The following BCL9L variants were observed in gnomAD, a reference collection of about 807,000 sequenced individuals.
BCL9L encodes the protein B-cell CLL/lymphoma 9-like protein.
BCL9L carries 19 observed loss-of-function variants against 99.4 expected under a neutral mutation model. The observed-to-expected ratio is 0.19, with a 90% CI of 0.13 to 0.28. The LOEUF is 0.28. BCL9L is among the 10% of genes least tolerant of loss of function. BCL9L has a pLI of 1.00. For synonymous variants in BCL9L, 900 were observed against 854.8 expected (o/e 1.05, Z -0.92); for missense variants, 2,023 against 2,101.6 (o/e 0.96, Z 0.73).
In BCL9L at chr11:118,898,427, G is replaced by T; in HGVS notation, c.4488C>A (p.Asn1496Lys). The T allele has an allele frequency of 1.2e-6, 2 of 1,604,072 alleles. No homozygotes were observed. The highest frequency in any genetic ancestry group is 1.7e-6 in the Non-Finnish European group (2 of 1,173,208). ...GYLPAPGGMA[N>K]LPF ...CTGGCAGCGACTTCTAGAAGGGCAG[G>T]TTGGCCATGCCGCCTGGTGCCGGGA... Residue 1496 changes from asparagine (N) to lysine (K), a missense_variant, in exon 10 of 10, where the codon AAC (asparagine) becomes AAA (lysine). Coordinates refer to ENST00000683865, the MANE Select transcript of BCL9L (RefSeq NM_001378213.1).
At chr11:118,911,162 G>GC (rs1940779976) in intron 2 of BCL9L, 1 of 449,200 alleles carries the variant, frequency 2.2e-6, no homozygotes, top group Non-Finnish European at 4.5e-6. Flanking sequence ...TCACCCAACC[G>GC]CCCCCAGCCC....
In BCL9L at chr11:118,901,999, C is replaced by G. The variant is rs775511374; in HGVS notation, c.1744G>C (p.Gly582Arg). ...WPPGMGAQLR[G>R]PMDVQDPMQL... Reference sequence around the variant, plus strand: ...ATGGGATCTTGAACATCCATGGGCCCCCGCAGCTGCGCACCCATTCCAGGT... The same window carrying G: ...ATGGGATCTTGAACATCCATGGGCCGCCGCAGCTGCGCACCCATTCCAGGT... The change falls in exon 8 of 10, where the codon GGG (glycine) becomes CGG (arginine). Residue 582 changes from glycine (G) to arginine (R), a missense_variant. Around this residue, in one of 3 missense-constraint regions of BCL9L, gnomAD observed 1,116 missense variants for 1,194.6 expected, o/e 0.93. Coordinates refer to ENST00000683865, the MANE Select transcript of BCL9L (RefSeq NM_001378213.1). This position sits in a 1 kb window ranked among gnomAD's most constrained non-coding sequence, Gnocchi z 6.6. 5 of 1,613,298 alleles carry G rather than the reference C, an allele frequency of 3.1e-6. No individual in the cohort carries two copies. The highest frequency in any genetic ancestry group is 1.7e-5 in the Admixed American group (1 of 60,018).
chr11:118,898,294 G>GCCCCCCGCCCCCCC lies in BCL9L; in HGVS notation c.*120_*121insGGGGGGGCGGGGGG. On this transcript the variant is annotated 3_prime_UTR_variant, in exon 10 of 10. Coordinates refer to ENST00000683865, the MANE Select transcript of BCL9L (RefSeq NM_001378213.1). ...TCCACAAATGCCACTCCCTACACAA[G>GCCCCCCGCCCCCCC]CCCCCTCCCACCCCCTCCACCCCAC... 2.2e-6 allele frequency: 1 copy of GCCCCCCGCCCCCCC among 452,312 alleles called. No homozygotes were observed. The highest frequency in any genetic ancestry group is 4.1e-6 in the Non-Finnish European group (1 of 244,762). The allele number at this position is 452,312 out of a possible 1,614,324, so 28.0% of individuals were successfully genotyped here. A position where few individuals can be genotyped will look rare whatever the true frequency, so the allele number is the denominator to read the frequency against.
rs1416616301 is a variant in BCL9L, at chr11:118,899,988, G to T, written c.3335C>A (p.Thr1112Asn). The T allele has an allele frequency of 2.5e-6, 4 of 1,614,006 alleles. No individual in the cohort carries two copies. The African/African-American group carries it at 5.3e-5, about 22-fold the overall frequency. Residue 1112 changes from threonine to asparagine, a missense_variant, in exon 9 of 10, where the codon ACC (threonine) becomes AAC (asparagine). Physicochemically the swap from Thr to Asn is moderately conservative, Grantham distance 65. Transcript: ENST00000683865. The stretch of plus-strand genomic sequence containing the variant: ...GTCGGGCAGCAGCTCGTCGTCTGAG[G>T]TGGCGATGGTCTTGATGGCATTGTG... Reference protein sequence around the residue: ...LYHNAIKTIATSDDELLPDRP... With the variant: ...LYHNAIKTIANSDDELLPDRP...
chr11:118,912,021 T>G (rs921935364), intron 2 of BCL9L, among the ~76,000 whole-genome samples: 2 of 152,324 alleles, frequency 1.3e-5, no homozygotes, highest in Non-Finnish European at 2.9e-5. Context: ...CCTCCGGGAC[T>G]CCACCCCCTC....
chr11:118,924,682 G>C (rs887407249), intron 1 of BCL9L, among the ~76,000 whole-genome samples: 3 of 152,168 alleles, frequency 2.0e-5, no homozygotes, highest in African/African-American at 7.2e-5. Flanking sequence ...ACACTTCCAA[G>C]GAACTGTATG....
Position 118,898,308 on chromosome 11 carries a change from C to CCCCCCCCCCCCCCCCCCA in BCL9L, c.*106_*107insTGGGGGGGGGGGGGGGGG. The CCCCCCCCCCCCCCCCCCA allele has an allele frequency of 7.1e-6, 4 of 562,548 alleles. No individual in the cohort carries two copies. The highest frequency in any genetic ancestry group is 2.1e-5 in the South Asian group (1 of 46,988). The allele number at this position is 562,548 out of a possible 1,614,324, so 34.8% of individuals were successfully genotyped here. ...TCCCTACACAAGCCCCCTCCCACCC[C>CCCCCCCCCCCCCCCCCCA]CTCCACCCCACCCCGCGACCCAGGC... On this transcript the variant is annotated 3_prime_UTR_variant, in exon 10 of 10. Coordinates refer to ENST00000683865, the MANE Select transcript of BCL9L (RefSeq NM_001378213.1).
At chr11:118,916,608 G>A (rs1341717865) in intron 2 of BCL9L, among the ~76,000 whole-genome samples, 1 of 152,230 alleles carries the variant, frequency 6.6e-6, no homozygotes, top group African/African-American at 2.4e-5. Flanking sequence ...CTTGGACGCT[G>A]TAGATGCTGA....
rs774747120 is a variant in BCL9L, at chr11:118,901,903, A to C, written c.1840T>G (p.Phe614Val). The C allele has an allele frequency of 1.5e-5, 25 of 1,613,536 alleles. 1 individual carries two copies. The South Asian group carries it at 2.4e-4, about 16-fold the overall frequency. ...ATGGGCATACTCTGCATGCCCCCAA[A>C]CCCAGGTACCCGTTGTATCTGGTTG... The part of the protein sequence containing the change: ...PGNQIQRVPG[F>V]GGMQSMPMEV... The change falls in exon 8 of 10, where the codon TTT becomes GTT. Residue 614 changes from phenylalanine (F) to valine (V), a missense_variant. Phe to Val is a conservative substitution (Grantham distance 50). Transcript: ENST00000683865. The surrounding 1 kb of genome is among the most constrained non-coding windows in gnomAD (Gnocchi z 6.6).
Position 118,900,307 on chromosome 11 carries a change from G to T in BCL9L, c.3125-109C>A. The T allele has an allele frequency of 7.8e-7, 1 of 1,280,670 alleles. No individual in the cohort carries two copies. Among genetic ancestry groups the T allele is most frequent in the Non-Finnish European group, 1.0e-6 (1 of 953,420 alleles). The allele number at this position is 1,280,670 out of a possible 1,614,324, so 79.3% of individuals were successfully genotyped here. A position where few individuals can be genotyped will look rare whatever the true frequency, so the allele number is the denominator to read the frequency against. ...AGCGGTCAGTTCCCCAAATCACCTG[G>T]TCCTTCAGACACACCCACAGGCCCC... On this transcript the variant is annotated intron_variant, in intron 8 of 9. Transcript: ENST00000683865. The surrounding 1 kb of genome is among the most constrained non-coding windows in gnomAD (Gnocchi z 5.3).
chr11:118,897,620 G>A lies in BCL9L; in HGVS notation c.*795C>T. ...CATTTACGTCATCTTACCATTTGGGGACGAGACAGGAATGGTATCCCTTAG... is the reference window on the plus strand; with the variant it reads ...CATTTACGTCATCTTACCATTTGGGAACGAGACAGGAATGGTATCCCTTAG... On this transcript the variant is annotated 3_prime_UTR_variant, in exon 10 of 10. Coordinates refer to ENST00000683865, the MANE Select transcript of BCL9L (RefSeq NM_001378213.1). 1 of 364,806 alleles carries A rather than the reference G, an allele frequency of 2.7e-6. No homozygotes were observed. Among genetic ancestry groups the A allele is most frequent in the Non-Finnish European group, 5.4e-6 (1 of 185,658 alleles). 22.6% of individuals were successfully genotyped at this position (364,806 alleles called of 1,614,324 possible).
chr11:118,899,773 C>T (rs774729139), intron 9 of BCL9L, 144 bp downstream of exon 9: 18 of 1,253,208 alleles, frequency 1.4e-5, no homozygotes, highest in Middle Eastern at 2.8e-4. Context: ...ATGACTCCAG[C>T]GAGTGGGAAC....
At position 118,901,100 on chromosome 11, in the gene BCL9L, G is replaced by A. The variant is rs368069043; in HGVS notation, c.2643C>T (p.Asn881=). 66 of 1,608,918 alleles carry A rather than the reference G, an allele frequency of 4.1e-5. No homozygotes were observed. The highest frequency in any genetic ancestry group is 5.5e-5 in the South Asian group (5 of 90,518). ...SPDQSSMPMS[N]VGTTRLSHMP... ...TGTGGCTGAGCCGGGTGGTGCCCAC[G>A]TTGCTCATGGGCATTGAGCTCTGAT... The change falls in exon 8 of 10, where the codon AAC becomes AAT. Residue 881 remains asparagine (N), a synonymous_variant. Transcript: ENST00000683865. This position sits in a 1 kb window ranked among gnomAD's most constrained non-coding sequence, Gnocchi z 6.6.
Position 118,901,351 on chromosome 11 carries a change from G to T in BCL9L, c.2392C>A (p.Gln798Lys). 1 of 1,613,764 alleles carries T rather than the reference G, an allele frequency of 6.2e-7. No homozygotes were observed. Among genetic ancestry groups the T allele is most frequent in the Non-Finnish European group, 8.5e-7 (1 of 1,179,986 alleles). ...AAGTCCCCAGGGCCCCGCATCTTCT[G>T]CGACATCAGCATCTGCTGCTGCGGG... ...MTPQQQMLMS[Q>K]KMRGPGDLMG... The change falls in exon 8 of 10, where the codon CAG (glutamine) becomes AAG (lysine). Residue 798 changes from glutamine (Q) to lysine (K), a missense_variant. Gln to Lys is a moderately conservative substitution (Grantham distance 53, BLOSUM62 1). This residue lies in a region of BCL9L where 1,116 missense variants were observed against 1,194.6 expected (regional missense o/e 0.93). Transcript: ENST00000683865. The surrounding 1 kb of genome is among the most constrained non-coding windows in gnomAD (Gnocchi z 6.6).
Position 118,902,328 on chromosome 11 carries a change from A to G in BCL9L, c.1415T>C (p.Met472Thr), listed in dbSNP as rs1424886425. 2 of 1,450,152 alleles carry G rather than the reference A, an allele frequency of 1.4e-6. No individual in the cohort carries two copies. Among genetic ancestry groups the G allele is most frequent in the Middle Eastern group, 1.9e-4 (1 of 5,240 alleles). The allele number at this position is 1,450,152 out of a possible 1,614,324, so 89.8% of individuals were successfully genotyped here. A position where few individuals can be genotyped will look rare whatever the true frequency, so the allele number is the denominator to read the frequency against. Residue 472 changes from methionine to threonine, a missense_variant, in exon 8 of 10, where the codon ATG becomes ACG. Physicochemically the swap from Met to Thr is moderately conservative, Grantham distance 81. Transcript: ENST00000683865. The surrounding 1 kb of genome is among the most constrained non-coding windows in gnomAD (Gnocchi z 7.8). The stretch of plus-strand genomic sequence containing the variant: ...CCCTAGGCTCTGTGTCTGTGAAATC[A>G]TGGACTGCAAGGGTTCCTCATATTT... ...LKKYEEPLQS[M>T]ISQTQSLGGP...
At position 118,898,095 on chromosome 11, in the gene BCL9L, GA is replaced by G; in HGVS notation, c.*319del. The G allele has an allele frequency of 2.0e-6, 1 of 496,870 alleles. No homozygotes were observed. The allele number at this position is 496,870 out of a possible 1,614,324, so 30.8% of individuals were successfully genotyped here. A position where few individuals can be genotyped will look rare whatever the true frequency, so the allele number is the denominator to read the frequency against. On this transcript the variant is annotated 3_prime_UTR_variant, in exon 10 of 10. Coordinates refer to ENST00000683865, the MANE Select transcript of BCL9L (RefSeq NM_001378213.1). ...CATCCAGGACTCCAAAAGCATAGCT[GA>G]AGGGGGTGTGGCGGGTGCAGGGATG... is the stretch of plus-strand genomic sequence containing the variant.
In BCL9L at chr11:118,903,412, C is replaced by T. The variant is rs754579955; in HGVS notation, c.573G>A (p.Leu191=). 5 of 1,612,810 alleles carry T rather than the reference C, an allele frequency of 3.1e-6. No homozygotes were observed. In the Admixed American group the frequency reaches 8.3e-5, roughly 27 times the overall value. ...GCAGTTGGGTGGTTTGGCCGGGACCCAGCTGTGGGGCCGCCATGGCTGGGT... is the reference window on the plus strand; with the variant it reads ...GCAGTTGGGTGGTTTGGCCGGGACCTAGCTGTGGGGCCGCCATGGCTGGGT... ...VADPAMAAPQ[L]GPGQTTQLPL... The change falls in exon 6 of 10, where the codon CTG becomes CTA. Residue 191 remains leucine, a synonymous_variant. Coordinates refer to ENST00000683865, the MANE Select transcript of BCL9L (RefSeq NM_001378213.1). The surrounding 1 kb of genome is among the most constrained non-coding windows in gnomAD (Gnocchi z 5.6).
rs182712272 is a variant in BCL9L, at chr11:118,921,404, G to T, written c.-130-2525C>A. Among the ~76,000 whole-genome samples the T allele has an allele frequency of 1.3e-5, 2 of 152,298 alleles. No individual in the cohort carries two copies. The highest frequency in any genetic ancestry group is 2.4e-5 in the African/African-American group (1 of 41,556). ...TGGGGAGGAGGGGAGCCTGCAGGGG[G>T]TGGAGAACCACTCAGGGATTTCAAA... On this transcript the variant is annotated intron_variant, in intron 1 of 9. Coordinates refer to ENST00000683865, the MANE Select transcript of BCL9L (RefSeq NM_001378213.1). The surrounding 1 kb of genome is among the most constrained non-coding windows in gnomAD (Gnocchi z 5.4).
rs1939910773 is a variant in BCL9L, at chr11:118,896,140, T to A, written c.*2275A>T. The A allele has an allele frequency of 6.0e-6, 1 of 166,926 alleles. No individual in the cohort carries two copies. The highest frequency in any genetic ancestry group is 6.6e-5 in the Admixed American group (1 of 15,262). 10.3% of individuals were successfully genotyped at this position (166,926 alleles called of 1,614,324 possible). On this transcript the variant is annotated 3_prime_UTR_variant, in exon 10 of 10. Coordinates refer to ENST00000683865, the MANE Select transcript of BCL9L (RefSeq NM_001378213.1). ...AGATGCAAAGAGGCAAGAGGCTGGATTTTGAATTTTCTTTTTAATAAAAAG... is the reference window on the plus strand; with the variant it reads ...AGATGCAAAGAGGCAAGAGGCTGGAATTTGAATTTTCTTTTTAATAAAAAG...
Sources: gnomAD v4.1 joint callset for allele counts (sites outside exome capture counted in the v4.1 genomes callset) on GRCh38, gnomAD v4.1.1 for gene constraint, gnomAD v4.1.1 regional missense constraint, Gnocchi (gnomAD v3.1) non-coding constraint, MANE v1.5 for transcripts, NCBI Gene and HGNC (gene_info 2026-07-23, HGNC 2026-07-21) for gene names.